Variants in PIK3C2G observed in about 807,000 individuals in gnomAD.
PIK3C2G encodes the protein phosphatidylinositol-4-phosphate 3-kinase catalytic subunit type 2 gamma.
Under a neutral mutation model 181.1 loss-of-function variants are expected in PIK3C2G, and 168 were observed. The ratio of observed to expected loss-of-function variants is 0.93; its 90% confidence interval spans 0.82 to 1.05. PIK3C2G has a LOEUF of 1.05. Among genes scored for constraint, PIK3C2G ranks in the 50% least tolerant of loss-of-function variants. The probability of loss-of-function intolerance (pLI) is 0.00; values close to 1 mark genes in which losing one functional copy is unlikely to be tolerated. For synonymous variants in PIK3C2G, 573 were observed against 592.2 expected, an observed-to-expected ratio of 0.97 and a Z score of 0.47; for missense variants, 1,869 against 1,732.8, an observed-to-expected ratio of 1.08 and a Z score of -1.40.
intron 31 of PIK3C2G, among the ~76,000 whole-genome samples, chr12:18,636,550 T>C (rs1949613027): frequency 6.6e-6 from 1 of 152,150 alleles, no homozygotes; most frequent in African/African-American, 2.4e-5. Flanking sequence ...TTAACAGGTA[T>C]TGATAAAAAT....
At chr12:18,621,544 AT>A (rs960307744) in intron 31 of PIK3C2G, among the ~76,000 whole-genome samples, 2 of 151,724 alleles carry the variant, frequency 1.3e-5, no homozygotes, top group African/African-American at 4.8e-5. Context: ...TGTTTTATAT[AT>A]ATATGTTATT....
rs143770692 is a variant in PIK3C2G at position 18,541,312 on chromosome 12, C to T, written c.3480+3000C>T. ...GCTTTTTATTTACTCCTGAGAAAAG[C>T]GGGGTAAAAAGTAATCCATGAAATT... On this transcript the variant is annotated intron_variant, in intron 25 of 32. Transcript: ENST00000538779. Among the ~76,000 whole-genome samples the T allele has an allele frequency of 7.4e-4, 113 of 151,936 alleles. 1 individual carries two copies. The highest frequency in any genetic ancestry group is 2.6e-3 in the African/African-American group (108 of 41,512).
intron 5 of PIK3C2G, among the ~76,000 whole-genome samples, chr12:18,297,913 C>A (rs1301323883): frequency 6.6e-6 from 1 of 151,830 alleles, no homozygotes; most frequent in Non-Finnish European, 1.5e-5. Context: ...CATTTTCTTT[C>A]TTTCTTCATT....
intron 32 of PIK3C2G, among the ~76,000 whole-genome samples, chr12:18,646,452 T>A (rs754153705): frequency 3.3e-5 from 5 of 152,112 alleles, no homozygotes; most frequent in Non-Finnish European, 7.4e-5. Flanking sequence ...TTGAACCTAT[T>A]TACTTGGTAA....
intron 31 of PIK3C2G, among the ~76,000 whole-genome samples, chr12:18,620,623 C>T (rs1315438636): frequency 6.6e-6 from 1 of 151,938 alleles, no homozygotes; most frequent in Non-Finnish European, 1.5e-5. Context: ...ATGTATTGAA[C>T]CTATACTCAT....
Position 18,452,496 on chromosome 12 carries a change from T to A in PIK3C2G, c.2504+28457T>A, listed in dbSNP as rs181821096. On this transcript the variant is annotated intron_variant, in intron 18 of 32. Coordinates refer to ENST00000538779, the MANE Select transcript of PIK3C2G (RefSeq NM_001288772.2). Reference sequence around the variant, plus strand: ...TCTGGCTAGCTGTCTTTTTTATTAATCTTTTTTTAAAAAAAAACAGCTTCT... The same window carrying A: ...TCTGGCTAGCTGTCTTTTTTATTAAACTTTTTTTAAAAAAAAACAGCTTCT... Among the ~76,000 whole-genome samples, 713 of 147,770 alleles carry A rather than the reference T, an allele frequency of 4.8e-3. 4 individuals are homozygous for A. Among genetic ancestry groups the A allele is most frequent in the African/African-American group, 0.018 (688 of 39,308 alleles).
intron 31 of PIK3C2G, among the ~76,000 whole-genome samples, chr12:18,622,215 C>G (rs1246831367): frequency 6.6e-6 from 1 of 151,988 alleles, no homozygotes; most frequent in East Asian, 1.9e-4. Flanking sequence ...TTCCCCATTT[C>G]CCACACCTCT....
chr12:18,522,898 T>C lies in PIK3C2G; in HGVS notation c.3324-15258T>C, dbSNP rs1368889483. The stretch of plus-strand genomic sequence containing the variant: ...AGGTTAGTTCACTTGACAGTGGCTC[T>C]TAATTCTCATAAACTTTCTTCATTC... On this transcript the variant is annotated intron_variant, in intron 24 of 32. Transcript: ENST00000538779. Among the ~76,000 whole-genome samples the C allele has an allele frequency of 2.0e-5, 3 of 152,106 alleles. No individual in the cohort carries two copies. The East Asian group carries it at 5.8e-4, about 29-fold the overall frequency.
intron 30 of PIK3C2G, among the ~76,000 whole-genome samples, chr12:18,606,959 A>T (rs1948058782): frequency 6.6e-6 from 1 of 152,160 alleles, no homozygotes; most frequent in East Asian, 1.9e-4. Context: ...TCTTGTTATT[A>T]AATAAATGTT....
the PIK3C2G span, chr12:18,683,458 G>C: frequency 7.0e-7 from 1 of 1,426,496 alleles, no homozygotes; most frequent in Non-Finnish European, 9.7e-7. Context: ...ATTCCCATCT[G>C]GTATATTAAT....
chr12:18,692,716 A>C, the PIK3C2G span: 1 of 810,466 alleles, frequency 1.2e-6, no homozygotes, highest in Non-Finnish European at 2.0e-6. Flanking sequence ...ACTTTGAATC[A>C]TCAACATAAA....
At chr12:18,422,511 T>G (rs569103028) in intron 17 of PIK3C2G, among the ~76,000 whole-genome samples, 9 of 152,052 alleles carry the variant, frequency 5.9e-5, no homozygotes, top group Non-Finnish European at 1.3e-4. Context: ...GAAAAGACCC[T>G]AAGGCTGTAA....
chr12:18,534,158 CAG>C (rs886730244), intron 24 of PIK3C2G, among the ~76,000 whole-genome samples: 3 of 151,832 alleles, frequency 2.0e-5, no homozygotes, highest in African/African-American at 7.3e-5. Context: ...CCATGTTGCT[CAG>C]ACTGGCCTCA....
At chr12:18,350,146 G>T (rs1161314825) in intron 11 of PIK3C2G, among the ~76,000 whole-genome samples, 1 of 152,142 alleles carries the variant, frequency 6.6e-6, no homozygotes, top group Non-Finnish European at 1.5e-5. Context: ...GGTCAAGAGG[G>T]CCAGCATCAG....
rs183204821 is a variant in PIK3C2G, at chr12:18,621,692, C to G, written c.4182+12063C>G. Among the ~76,000 whole-genome samples, 204 of 151,834 alleles carry G rather than the reference C, an allele frequency of 1.3e-3. 4 individuals are homozygous for G. The highest frequency in any genetic ancestry group is 4.7e-3 in the African/African-American group (194 of 41,512). ...TCTCCTTTTTGTGCTCTCTTACAAT[C>G]ATGCAAAGTGCTAGACACACGGTGG... is the stretch of plus-strand genomic sequence containing the variant. On this transcript the variant is annotated intron_variant, in intron 31 of 32. Coordinates refer to ENST00000538779, the MANE Select transcript of PIK3C2G (RefSeq NM_001288772.2).
chr12:18,455,821 T>C (rs1947595104), intron 18 of PIK3C2G, among the ~76,000 whole-genome samples: 1 of 152,098 alleles, frequency 6.6e-6, no homozygotes, highest in South Asian at 2.1e-4. Flanking sequence ...TATCATCACA[T>C]TAGTGGTTAG....
At chr12:18,266,522 G>A (rs935961981) in intron 1 of PIK3C2G, among the ~76,000 whole-genome samples, 1 of 152,054 alleles carries the variant, frequency 6.6e-6, no homozygotes, top group Non-Finnish European at 1.5e-5. Flanking sequence ...TTTTTAAAGA[G>A]TTACTATTAG....
chr12:18,713,065 A>T, the PIK3C2G span: 1 of 1,551,886 alleles, frequency 6.4e-7, no homozygotes, highest in Non-Finnish European at 8.8e-7. Flanking sequence ...TATTCCAAAG[A>T]CCATTTGATT....
chr12:18,507,446 A>G (rs963390225), intron 24 of PIK3C2G, among the ~76,000 whole-genome samples: 3 of 152,352 alleles, frequency 2.0e-5, no homozygotes, highest in South Asian at 4.1e-4. Flanking sequence ...ATACTCTTTC[A>G]AGTACTGTGA....
Sources: allele counts gnomAD v4.1 joint callset (sites outside exome capture counted in the v4.1 genomes callset), GRCh38; gene constraint gnomAD v4.1.1; transcripts MANE v1.5; gene names NCBI Gene and HGNC (gene_info 2026-07-23, HGNC 2026-07-21).